RIMS2: variants seen among roughly 807,000 people sequenced by gnomAD.
RIMS2 encodes regulating synaptic membrane exocytosis 2, also known as regulating synaptic membrane exocytosis protein 2.
A neutral mutation model predicts 174.4 loss-of-function variants in RIMS2; 59 were observed. The ratio of observed to expected loss-of-function variants is 0.34; its 90% CI spans 0.27 to 0.42. The LOEUF is 0.42. Ranked by LOEUF, RIMS2 falls within the 10% of genes least tolerant of loss-of-function variation. The pLI is 1.00. For missense variants in RIMS2, 1,620 were observed against 1,666.3 expected, an observed-to-expected ratio of 0.97 and a Z score of 0.48; for synonymous variants, 606 against 572.5, an observed-to-expected ratio of 1.06 and a Z score of -0.84.
At chr8:103,542,192 TAA>T (rs1374355171) in intron 1 of RIMS2, among the ~76,000 whole-genome samples, 8 of 152,036 alleles carry the variant, frequency 5.3e-5, no homozygotes, top group Non-Finnish European at 1.0e-4. Context: ...CAAAAGATCA[TAA>T]AAGTCTACTA....
chr8:104,208,337 G>T (rs555947311), intron 19 of RIMS2, among the ~76,000 whole-genome samples: 2 of 152,042 alleles, frequency 1.3e-5, no homozygotes, highest in Non-Finnish European at 2.9e-5. Flanking sequence ...GGAGGCCGAG[G>T]GGGGCAGATC....
intron 1 of RIMS2, among the ~76,000 whole-genome samples, chr8:103,589,067 G>C (rs1042819629): frequency 6.6e-6 from 1 of 151,646 alleles, no homozygotes; most frequent in Non-Finnish European, 1.5e-5. Context: ...ATTCAGACAA[G>C]AGAAAGAAAT....
At chr8:103,597,680 C>T (rs2094529779) in intron 1 of RIMS2, among the ~76,000 whole-genome samples, 1 of 152,062 alleles carries the variant, frequency 6.6e-6, no homozygotes, top group Non-Finnish European at 1.5e-5. Flanking sequence ...AAACAACCTG[C>T]CTTTCTGCAT....
chr8:103,801,878 G>C (rs768093221), intron 3 of RIMS2, among the ~76,000 whole-genome samples: 10 of 152,060 alleles, frequency 6.6e-5, no homozygotes, highest in Non-Finnish European at 1.2e-4. Flanking sequence ...GTCATAATCG[G>C]TGACATTTAA....
At chr8:103,966,230 A>G (rs1191324501) in intron 15 of RIMS2, among the ~76,000 whole-genome samples, 1 of 152,144 alleles carries the variant, frequency 6.6e-6, no homozygotes, top group Non-Finnish European at 1.5e-5. Context: ...GTTTGGTAGA[A>G]TTTACCAGTG....
At chr8:103,525,615 T>C (rs1833617737) in intron 1 of RIMS2, among the ~76,000 whole-genome samples, 1 of 152,030 alleles carries the variant, frequency 6.6e-6, no homozygotes, top group Non-Finnish European at 1.5e-5. Context: ...CAAAGAAAAT[T>C]TGAGATATTA....
At chr8:104,202,238 A>C (rs1240377541) in intron 19 of RIMS2, among the ~76,000 whole-genome samples, 1 of 152,210 alleles carries the variant, frequency 6.6e-6, no homozygotes, top group East Asian at 1.9e-4. Context: ...CAATTTTTAA[A>C]AGAGCAGAAG....
At chr8:103,797,588 C>A (rs1305112191) in intron 3 of RIMS2, among the ~76,000 whole-genome samples, 3 of 152,148 alleles carry the variant, frequency 2.0e-5, no homozygotes, top group Admixed American at 2.0e-4. Context: ...GCCCCAATGT[C>A]TTTGTGAAAC....
At chr8:103,950,001 A>T (rs2084925096) in intron 14 of RIMS2, among the ~76,000 whole-genome samples, 1 of 152,174 alleles carries the variant, frequency 6.6e-6, no homozygotes, top group Non-Finnish European at 1.5e-5. Flanking sequence ...GAACAACTTG[A>T]TGCAAATACA....
chr8:103,844,380 CT>C (rs2098957000), intron 3 of RIMS2, among the ~76,000 whole-genome samples: 1 of 152,120 alleles, frequency 6.6e-6, no homozygotes, highest in Admixed American at 6.5e-5. Flanking sequence ...GTTTAGTCTT[CT>C]TCTATTTCCA....
At chr8:104,142,161 T>A (rs2098587269) in intron 19 of RIMS2, among the ~76,000 whole-genome samples, 1 of 151,052 alleles carries the variant, frequency 6.6e-6, no homozygotes, top group African/African-American at 2.4e-5. Context: ...AGTTTCGCTC[T>A]TGTTGCCCAG....
intron 3 of RIMS2, among the ~76,000 whole-genome samples, chr8:103,792,530 A>C (rs1292010309): frequency 6.6e-6 from 1 of 152,154 alleles, no homozygotes; most frequent in African/African-American, 2.4e-5. Flanking sequence ...ACAAGAGCAA[A>C]CACACTCAAA....
chr8:103,664,911 T>G (rs1026001691), intron 1 of RIMS2, among the ~76,000 whole-genome samples: 3 of 152,036 alleles, frequency 2.0e-5, no homozygotes, highest in Non-Finnish European at 4.4e-5. Flanking sequence ...ATTAAGAAAA[T>G]GTGGCACATA....
chr8:103,754,580 C>A (rs540339911), intron 2 of RIMS2, among the ~76,000 whole-genome samples: 1 of 152,224 alleles, frequency 6.6e-6, no homozygotes, highest in African/African-American at 2.4e-5. Flanking sequence ...CTTTGTAGGT[C>A]TCTAAGGACT....
intron 19 of RIMS2, among the ~76,000 whole-genome samples, chr8:104,165,298 T>C (rs2098790266): frequency 6.6e-6 from 1 of 152,198 alleles, no homozygotes. Flanking sequence ...TTCTGAGTTA[T>C]CCAATCTCAA....
At chr8:103,809,004 A>G (rs552534875) in intron 3 of RIMS2, among the ~76,000 whole-genome samples, 2 of 152,296 alleles carry the variant, frequency 1.3e-5, no homozygotes, top group African/African-American at 4.8e-5. Flanking sequence ...ACAGCAAAAC[A>G]CATAATTATT....
chr8:103,743,001 T>C lies in RIMS2; in HGVS notation c.388-23226T>C, dbSNP rs952750174. ...AGGCTTTTTAAGGTCTGATCTACAT[T>C]ATTAGCAATTAAGATATTTTTATAA... On this transcript the variant is annotated intron_variant, in intron 2 of 23. Coordinates refer to ENST00000504942, the Ensembl canonical transcript of RIMS2. Among the ~76,000 whole-genome samples the C allele has an allele frequency of 5.9e-5, 9 of 152,298 alleles. No individual in the cohort carries two copies. The South Asian group carries it at 1.9e-3, about 32-fold the overall frequency.
At chr8:103,632,489 C>T (rs1052275973) in intron 1 of RIMS2, among the ~76,000 whole-genome samples, 4 of 151,976 alleles carry the variant, frequency 2.6e-5, no homozygotes, top group South Asian at 2.1e-4. Context: ...GGTGTGATCT[C>T]GGCTCACTGC....
At chr8:103,668,558 G>A (rs1386395920) in intron 1 of RIMS2, among the ~76,000 whole-genome samples, 1 of 147,302 alleles carries the variant, frequency 6.8e-6, no homozygotes, top group Non-Finnish European at 1.5e-5. Context: ...CACCACACCA[G>A]TTTGTAAGTG....
Sources: allele counts gnomAD v4.1 joint callset (sites outside exome capture counted in the v4.1 genomes callset), GRCh38; gene constraint gnomAD v4.1.1; transcripts MANE v1.5; gene names NCBI Gene and HGNC (gene_info 2026-07-23, HGNC 2026-07-21).